The following SLC45A3 variants were observed in gnomAD, a reference collection of about 807,000 sequenced individuals.
SLC45A3 encodes the protein solute carrier family 45 member 3.
A neutral mutation model predicts 35.3 loss-of-function variants in SLC45A3; 17 were observed. That is an observed-to-expected ratio of 0.48 (90% CI 0.33 to 0.72). SLC45A3 has a LOEUF of 0.72. Among genes scored for constraint, SLC45A3 ranks in the 30% least tolerant of loss-of-function variants. SLC45A3 has a pLI of 0.02. For synonymous variants in SLC45A3, 288 were observed against 334.3 expected (o/e 0.86, Z 1.51); for missense variants, 597 against 731.7 (o/e 0.82, Z 2.12).
At chr1:205,665,727 T>C (rs980871161) in intron 1 of SLC45A3, among the ~76,000 whole-genome samples, 2 of 152,164 alleles carry the variant, frequency 1.3e-5, no homozygotes, top group Non-Finnish European at 2.9e-5. Context: ...AATTTTTCGG[T>C]GCTCTTTTCA....
At chr1:205,672,896 C>T (rs955180698) in intron 1 of SLC45A3, among the ~76,000 whole-genome samples, 3 of 152,140 alleles carry the variant, frequency 2.0e-5, no homozygotes, top group Admixed American at 6.5e-5. Flanking sequence ...GCAGGTACCC[C>T]CTAAGGGCTC....
rs1257085127 is a variant in SLC45A3 at position 205,662,690 on chromosome 1, G to A, written c.958+143C>T. The A allele has an allele frequency of 8.3e-6, 12 of 1,439,402 alleles. No individual in the cohort carries two copies. Among genetic ancestry groups the A allele is most frequent in the East Asian group, 2.5e-5 (1 of 40,636 alleles). 89.2% of individuals were successfully genotyped at this position (1,439,402 alleles called of 1,614,324 possible). A position where few individuals can be genotyped will look rare whatever the true frequency, so the allele number is the denominator to read the frequency against. On this transcript the variant is annotated intron_variant, in intron 3 of 4. Coordinates refer to ENST00000367145, the MANE Select transcript of SLC45A3 (RefSeq NM_033102.3). This position sits in a 1 kb window ranked among gnomAD's most constrained non-coding sequence, Gnocchi z 6.2. The stretch of plus-strand genomic sequence containing the variant: ...AGATGTTCCACACCCATGAGAAGCC[G>A]TGTATGCAGATGGGGTCCATCCCCA...
At chr1:205,671,421 C>T (rs545049763) in intron 1 of SLC45A3, among the ~76,000 whole-genome samples, 30 of 152,318 alleles carry the variant, frequency 2.0e-4, no homozygotes, top group African/African-American at 4.3e-4. Flanking sequence ...TGAATCCTGA[C>T]GTCCCCAAAC....
At position 205,664,623 on chromosome 1, in the gene SLC45A3, G is replaced by A. The variant is rs201324256; in HGVS notation, c.34C>T (p.Arg12Trp). 22 of 1,614,206 alleles carry A rather than the reference G, an allele frequency of 1.4e-5. No individual in the cohort carries two copies. Among genetic ancestry groups the A allele is most frequent in the African/African-American group, 6.7e-5 (5 of 75,048 alleles). ...AGCAAGAGCTGGGCTTTCCGGTGCC[G>A]CAGCAGGCGGCTCACCCACAGCCTC... ...VQRLWVSRLL[R>W]HRKAQLLLVN... Residue 12 changes from arginine (R) to tryptophan (W), a missense_variant, in exon 2 of 5, where the codon CGG (arginine) becomes TGG (tryptophan). This residue lies in a region of SLC45A3 where 37 missense variants were observed against 41.1 expected (regional missense o/e 0.90). Transcript: ENST00000367145. This position sits in a 1 kb window ranked among gnomAD's most constrained non-coding sequence, Gnocchi z 5.3.
In SLC45A3 at chr1:205,658,998, C is replaced by G; in HGVS notation, c.*236G>C. 1.8e-6 allele frequency: 1 copy of G among 543,230 alleles called. No individual in the cohort carries two copies. Among genetic ancestry groups the G allele is most frequent in the South Asian group, 2.3e-5 (1 of 43,428 alleles). The allele number at this position is 543,230 out of a possible 1,614,324, so 33.7% of individuals were successfully genotyped here. A position where few individuals can be genotyped will look rare whatever the true frequency, so the allele number is the denominator to read the frequency against. On this transcript the variant is annotated 3_prime_UTR_variant, in exon 5 of 5. Coordinates refer to ENST00000367145, the MANE Select transcript of SLC45A3 (RefSeq NM_033102.3). ...CTCCCTGTATAAGTCCAGACTGAAA[C>G]CCCCTTGGAAGGCCTCCAGTCAGGC...
chr1:205,679,009 C>T (rs951223084), intron 1 of SLC45A3, among the ~76,000 whole-genome samples: 3 of 152,128 alleles, frequency 2.0e-5, no homozygotes, highest in Non-Finnish European at 4.4e-5. Context: ...TACACCAAGG[C>T]GGTCTCTGCT....
chr1:205,661,396 C>T (rs1671019597), intron 4 of SLC45A3, among the ~76,000 whole-genome samples: 1 of 152,132 alleles, frequency 6.6e-6, no homozygotes, highest in Non-Finnish European at 1.5e-5. Flanking sequence ...TAGGAAGGAG[C>T]CTGCCCCATC....
chr1:205,677,123 A>G (rs1671326616), intron 1 of SLC45A3, among the ~76,000 whole-genome samples: 1 of 152,224 alleles, frequency 6.6e-6, no homozygotes, highest in African/African-American at 2.4e-5. Flanking sequence ...CAGGATATAC[A>G]TTCATGTTCA....
chr1:205,672,224 C>T (rs139568356), intron 1 of SLC45A3, among the ~76,000 whole-genome samples: 2 of 152,148 alleles, frequency 1.3e-5, no homozygotes, highest in East Asian at 1.9e-4. Flanking sequence ...CCCTCACCCA[C>T]GTGCCTCCCC....
chr1:205,672,860 T>G (rs1383882809), intron 1 of SLC45A3, among the ~76,000 whole-genome samples: 1 of 152,186 alleles, frequency 6.6e-6, no homozygotes, highest in Non-Finnish European at 1.5e-5. Context: ...ATGCACCCCC[T>G]ACCCCCGGCA....
intron 1 of SLC45A3, among the ~76,000 whole-genome samples, chr1:205,674,598 G>A (rs1488170060): frequency 2.0e-5 from 1 of 50,686 alleles, no homozygotes; most frequent in Non-Finnish European, 3.5e-5. Flanking sequence ...AATTGATGCT[G>A]TTTCAAAAAA....
chr1:205,664,396 C>T lies in SLC45A3; in HGVS notation c.172+89G>A. 6.5e-7 allele frequency: 1 copy of T among 1,534,346 alleles called. No individual in the cohort carries two copies. The highest frequency in any genetic ancestry group is 8.9e-7 in the Non-Finnish European group (1 of 1,127,044). ...CTTCCCAGCAGACCACCTCTCCCTCCAAGCAGCTCCCAGGGCAGAGGTACT... is the reference window on the plus strand; with the variant it reads ...CTTCCCAGCAGACCACCTCTCCCTCTAAGCAGCTCCCAGGGCAGAGGTACT... On this transcript the variant is annotated intron_variant, in intron 2 of 4. Transcript: ENST00000367145. This position sits in a 1 kb window ranked among gnomAD's most constrained non-coding sequence, Gnocchi z 5.3.
At chr1:205,670,638 G>A (rs1212764621) in intron 1 of SLC45A3, among the ~76,000 whole-genome samples, 3 of 152,336 alleles carry the variant, frequency 2.0e-5, no homozygotes, top group South Asian at 2.1e-4. Flanking sequence ...TTTCTTCACC[G>A]TTACTGGAAG....
In SLC45A3 at chr1:205,659,497, C is replaced by T. The variant is rs1467525090; in HGVS notation, c.1399G>A (p.Asp467Asn). The T allele has an allele frequency of 1.2e-6, 2 of 1,613,534 alleles. No homozygotes were observed. Among genetic ancestry groups the T allele is most frequent in the East Asian group, 4.5e-5 (2 of 44,880 alleles). ...CCCACCACCACACGTACGGAGACATCACAGGCAGAGGCCCCGCAGAGCGCG... is the reference window on the plus strand; with the variant it reads ...CCCACCACCACACGTACGGAGACATTACAGGCAGAGGCCCCGCAGAGCGCG... ...PPALCGASAC[D>N]VSVRVVVGEP... is the part of the protein sequence containing the mutation. The change falls in exon 5 of 5, where the codon GAT becomes AAT. Residue 467 changes from aspartate to asparagine, a missense_variant. Asp to Asn is a conservative substitution (Grantham distance 23, BLOSUM62 1). Coordinates refer to ENST00000367145, the MANE Select transcript of SLC45A3 (RefSeq NM_033102.3). This position sits in a 1 kb window ranked among gnomAD's most constrained non-coding sequence, Gnocchi z 5.8.
In SLC45A3 at chr1:205,680,380, G is replaced by C. The variant is rs1386473574; in HGVS notation, c.-231+14C>G. On this transcript the variant is annotated intron_variant, in intron 1 of 4. Coordinates refer to ENST00000367145, the MANE Select transcript of SLC45A3 (RefSeq NM_033102.3). ...GGACCCTCACCCCTGGGAGAGGAGG[G>C]GGCGCGCTCCTACCTGGCCGAGGCG... 2 of 151,696 alleles carry C rather than the reference G, an allele frequency of 1.3e-5. No individual in the cohort carries two copies. Among genetic ancestry groups the C allele is most frequent in the Non-Finnish European group, 2.9e-5 (2 of 67,892 alleles). The allele number at this position is 151,696 out of a possible 1,614,324, so 9.4% of individuals were successfully genotyped here.
intron 4 of SLC45A3, among the ~76,000 whole-genome samples, chr1:205,660,184 T>C (rs1670994384): frequency 6.6e-6 from 1 of 152,080 alleles, no homozygotes; most frequent in Non-Finnish European, 1.5e-5. Flanking sequence ...GGGTCCCAGA[T>C]GCCACTAGGG....
At chr1:205,675,276 A>G (rs1671292501) in intron 1 of SLC45A3, among the ~76,000 whole-genome samples, 1 of 152,224 alleles carries the variant, frequency 6.6e-6, no homozygotes, top group Admixed American at 6.5e-5. Context: ...TTACCTAGAA[A>G]GCCAGGAGAA....
rs1671122356 is a variant in SLC45A3, at chr1:205,666,619, C to T, written c.-230-1733G>A. ...GGAAGGGAATTGAGATAAGGCTGGG[C>T]AACCAGCAGCCTCCTCCCCTAAATC... On this transcript the variant is annotated intron_variant, in intron 1 of 4. Coordinates refer to ENST00000367145, the MANE Select transcript of SLC45A3 (RefSeq NM_033102.3). This position sits in a 1 kb window ranked among gnomAD's most constrained non-coding sequence, Gnocchi z 4.1. Among the ~76,000 whole-genome samples, 1 of 152,240 alleles carries T rather than the reference C, an allele frequency of 6.6e-6. No individual in the cohort carries two copies. The highest frequency in any genetic ancestry group is 2.1e-4 in the South Asian group (1 of 4,828).
Position 205,666,381 on chromosome 1 carries a change from A to C in SLC45A3, c.-230-1495T>G, listed in dbSNP as rs905487743. On this transcript the variant is annotated intron_variant, in intron 1 of 4. Coordinates refer to ENST00000367145, the MANE Select transcript of SLC45A3 (RefSeq NM_033102.3). This position sits in a 1 kb window ranked among gnomAD's most constrained non-coding sequence, Gnocchi z 4.1. ...AAATTATCCAGGCGTGGTAGTATGC[A>C]CCTGTGGTCCCAGCTACTTAAGAGG... 6.6e-6 allele frequency among the ~76,000 whole-genome samples: 1 copy of C among 152,136 alleles called. No homozygotes were observed. The highest frequency in any genetic ancestry group is 2.4e-5 in the African/African-American group (1 of 41,420).
Sources: gnomAD v4.1 joint callset for allele counts (sites outside exome capture counted in the v4.1 genomes callset) on GRCh38, gnomAD v4.1.1 for gene constraint, gnomAD v4.1.1 regional missense constraint, Gnocchi (gnomAD v3.1) non-coding constraint, MANE v1.5 for transcripts, NCBI Gene and HGNC (gene_info 2026-07-23, HGNC 2026-07-21) for gene names.